SPTBN1: variants seen among roughly 807,000 people sequenced by gnomAD.
The protein encoded by SPTBN1 is spectrin beta chain, non-erythrocytic 1.
A neutral mutation model predicts 266.4 loss-of-function variants in SPTBN1; 32 were observed. The ratio of observed to expected loss-of-function variants is 0.12; its 90% CI spans 0.09 to 0.16. The LOEUF (loss-of-function observed/expected upper bound fraction) is 0.16, where lower values mean the gene tolerates loss of function less well. SPTBN1 is among the 10% of genes least tolerant of loss of function. The pLI, the probability that SPTBN1 is intolerant of heterozygous loss-of-function variation, is 1.00. For missense variants in SPTBN1, 2,296 were observed against 3,067.1 expected, an observed-to-expected ratio of 0.75 and a Z score of 5.94; for synonymous variants, 1,336 against 1,162.2, an observed-to-expected ratio of 1.15 and a Z score of -3.04.
chr2:54,591,201 A>C (rs868399431), intron 2 of SPTBN1, among the ~76,000 whole-genome samples: 1 of 152,218 alleles, frequency 6.6e-6, no homozygotes, highest in Non-Finnish European at 1.5e-5. Flanking sequence ...TAAAGTATGC[A>C]CTTTGTAATA....
chr2:54,459,648 A>T (rs1352155115), intron 1 of SPTBN1, among the ~76,000 whole-genome samples: 1 of 152,140 alleles, frequency 6.6e-6, no homozygotes, highest in Non-Finnish European at 1.5e-5. Flanking sequence ...ATTATGTTGC[A>T]TCGTAACTAG....
chr2:54,570,649 A>G (rs1673999362), intron 2 of SPTBN1, among the ~76,000 whole-genome samples: 1 of 152,170 alleles, frequency 6.6e-6, no homozygotes, highest in Non-Finnish European at 1.5e-5. Flanking sequence ...GAAACTCTCT[A>G]CAAACCATAG....
intron 17 of SPTBN1, among the ~76,000 whole-genome samples, chr2:54,635,027 C>G (rs945655502): frequency 6.6e-6 from 1 of 152,196 alleles, no homozygotes; most frequent in African/African-American, 2.4e-5. Context: ...AAAACAGGCT[C>G]AGAAGTTACC....
At chr2:54,545,831 G>A (rs533056788) in intron 2 of SPTBN1, among the ~76,000 whole-genome samples, 65 of 152,150 alleles carry the variant, frequency 4.3e-4, no homozygotes, top group Middle Eastern at 6.8e-3. Context: ...ATGCTCTTAG[G>A]GAGTTAGCAT....
At chr2:54,476,400 A>G (rs1000787639) in intron 1 of SPTBN1, among the ~76,000 whole-genome samples, 14 of 152,242 alleles carry the variant, frequency 9.2e-5, no homozygotes, top group African/African-American at 3.1e-4. Context: ...AGCATTTCCC[A>G]TCAGCTTCTT....
chr2:54,529,377 G>T (rs760138082), intron 2 of SPTBN1: 2 of 654,300 alleles, frequency 3.1e-6, no homozygotes, highest in South Asian at 2.9e-5. Flanking sequence ...GAAGCTCCTG[G>T]CCCGCCTAAA....
intron 26 of SPTBN1, among the ~76,000 whole-genome samples, chr2:54,650,701 G>T (rs1680222158): frequency 6.6e-6 from 1 of 152,132 alleles, no homozygotes; most frequent in Non-Finnish European, 1.5e-5. Context: ...TCTGTTAAAG[G>T]CCAAATAGTG....
intron 2 of SPTBN1, among the ~76,000 whole-genome samples, chr2:54,584,309 T>C (rs1454510539): frequency 6.6e-6 from 1 of 152,232 alleles, no homozygotes; most frequent in Non-Finnish European, 1.5e-5. Context: ...TCTTTTCTGT[T>C]TTGCTGTTGC....
chr2:54,519,838 C>G (rs1028929628), intron 1 of SPTBN1, among the ~76,000 whole-genome samples: 2 of 151,998 alleles, frequency 1.3e-5, no homozygotes, highest in Non-Finnish European at 2.9e-5. Context: ...TCAGGAGGTA[C>G]GAGTTACCTT....
intron 12 of SPTBN1, among the ~76,000 whole-genome samples, chr2:54,627,148 C>A (rs553344890): frequency 6.6e-6 from 1 of 152,312 alleles, no homozygotes; most frequent in South Asian, 2.1e-4. Context: ...TTGGACTGTT[C>A]CTGACAGAGG....
chr2:54,579,448 C>G (rs767415031), intron 2 of SPTBN1, among the ~76,000 whole-genome samples: 1 of 71,426 alleles, frequency 1.4e-5, no homozygotes, highest in Non-Finnish European at 2.5e-5. Context: ...ATCTTTCACA[C>G]TCACCCATAG....
chr2:54,667,680 T>C (rs368247467), intron 35 of SPTBN1, 34 bp downstream of exon 35: 4 of 1,598,048 alleles, frequency 2.5e-6, no homozygotes, highest in Non-Finnish European at 3.4e-6. Flanking sequence ...CTCCACTACT[T>C]AGGAGTTTGC....
intron 2 of SPTBN1, among the ~76,000 whole-genome samples, chr2:54,569,796 C>G (rs2104514937): frequency 6.6e-6 from 1 of 152,280 alleles, no homozygotes; most frequent in Middle Eastern, 3.4e-3. Flanking sequence ...AATAAGGGCT[C>G]ATAGGATTAT....
rs1269716800 is a variant in SPTBN1 at position 54,637,786 on chromosome 2, C to T, written c.3841C>T (p.Leu1281=). ...GGACAACAGGGATCTACAGAAATTCCTGCAAGATTGTCAAGAGGTATGTTA... is the reference window on the plus strand; with the variant it reads ...GGACAACAGGGATCTACAGAAATTCTTGCAAGATTGTCAAGAGGTATGTTA... ...LKDNRDLQKF[L]QDCQELSLWI... is the part of the protein sequence containing the mutation. Residue 1281 remains leucine, a synonymous_variant, in exon 18 of 36, where the codon CTG becomes TTG. Coordinates refer to ENST00000356805, the MANE Select transcript of SPTBN1 (RefSeq NM_003128.3). The T allele has an allele frequency of 6.2e-7, 1 of 1,613,750 alleles. No homozygotes were observed. Among genetic ancestry groups the T allele is most frequent in the Non-Finnish European group, 8.5e-7 (1 of 1,179,758 alleles).
At chr2:54,598,884 G>A (rs1256697966) in intron 2 of SPTBN1, among the ~76,000 whole-genome samples, 2 of 152,172 alleles carry the variant, frequency 1.3e-5, no homozygotes, top group African/African-American at 4.8e-5. Context: ...TAAACCCATC[G>A]TAAAGTCAAA....
chr2:54,528,667 C>T (rs534778599), intron 2 of SPTBN1: 11 of 149,696 alleles, frequency 7.3e-5, no homozygotes, highest in Admixed American at 7.3e-4. Flanking sequence ...ACTAACTCTG[C>T]AGTGTATACT....
At chr2:54,604,974 A>G (rs1305361394) in intron 3 of SPTBN1, among the ~76,000 whole-genome samples, 12 of 152,212 alleles carry the variant, frequency 7.9e-5, no homozygotes, top group Admixed American at 7.9e-4. Context: ...CTTTCCTGTC[A>G]GAAGTGACAC....
intron 2 of SPTBN1, among the ~76,000 whole-genome samples, chr2:54,563,323 G>A (rs981627379): frequency 6.6e-6 from 1 of 152,124 alleles, no homozygotes; most frequent in Non-Finnish European, 1.5e-5. Context: ...CTGCTTTGCA[G>A]CCAGATGCTG....
intron 10 of SPTBN1, 139 bp from the exon 11 acceptor site, chr2:54,624,665 A>C: frequency 6.3e-6 from 8 of 1,269,274 alleles, no homozygotes; most frequent in Non-Finnish European, 8.6e-6. Flanking sequence ...CTTGAGAGTC[A>C]GTGAGAGTGG....
Sources: gnomAD v4.1 joint callset for allele counts (sites outside exome capture counted in the v4.1 genomes callset) on GRCh38, gnomAD v4.1.1 for gene constraint, MANE v1.5 for transcripts, NCBI Gene and HGNC (gene_info 2026-07-23, HGNC 2026-07-21) for gene names.